The following TBC1D22A variants were observed in gnomAD, a reference collection of about 807,000 sequenced individuals.
The protein encoded by TBC1D22A is TBC1 domain family member 22A.
TBC1D22A carries 38 observed loss-of-function variants against 60.2 expected under a neutral mutation model. The ratio of observed to expected loss-of-function variants is 0.63; its 90% CI spans 0.49 to 0.83. TBC1D22A has a LOEUF of 0.83. Among genes scored for constraint, TBC1D22A ranks in the 40% least tolerant of loss-of-function variants. The pLI, the probability that TBC1D22A is intolerant of heterozygous loss-of-function variation, is 0.00. For synonymous variants in TBC1D22A, 302 were observed against 281.7 expected, an observed-to-expected ratio of 1.07 and a Z score of -0.72; for missense variants, 628 against 701.0, an observed-to-expected ratio of 0.90 and a Z score of 1.18.
intron 7 of TBC1D22A, among the ~76,000 whole-genome samples, chr22:46,896,162 C>G (rs1451405456): frequency 6.6e-6 from 1 of 152,154 alleles, no homozygotes; most frequent in African/African-American, 2.4e-5. Flanking sequence ...CTGTCTTTCC[C>G]CCTTCTGCGA....
chr22:46,994,859 A>C (rs1311498320), intron 9 of TBC1D22A, among the ~76,000 whole-genome samples: 1 of 152,232 alleles, frequency 6.6e-6, no homozygotes, highest in Non-Finnish European at 1.5e-5. Flanking sequence ...GGAGAAATTA[A>C]GTCTTAAAGG....
Position 46,793,771 on chromosome 22 carries a change from G to T in TBC1D22A, c.390G>T (p.Pro130=). The T allele has an allele frequency of 6.2e-7, 1 of 1,603,880 alleles. No individual in the cohort carries two copies. The highest frequency in any genetic ancestry group is 8.5e-7 in the Non-Finnish European group (1 of 1,176,046). The change falls in exon 3 of 13, where the codon CCG becomes CCT. Residue 130 remains proline (P), a synonymous_variant. Transcript: ENST00000337137. The part of the protein sequence containing the change: ...LQQKPRPEAE[P]PSPPSGDLRL... ...AGAAGCCCAGGCCCGAGGCAGAGCCGCCCTCACCCCCCAGCGGCGACCTCC... is the reference window on the plus strand; with the variant it reads ...AGAAGCCCAGGCCCGAGGCAGAGCCTCCCTCACCCCCCAGCGGCGACCTCC...
rs531569157 is a variant in TBC1D22A at position 47,052,399 on chromosome 22, A to G, written c.1329+15201A>G. ...GCGAGCCTGGGGATGCCTGGGAGGG[A>G]CCCTCAAGGTGAGGAGGTGGGAGGC... On this transcript the variant is annotated intron_variant, in intron 11 of 12. Transcript: ENST00000337137. Among the ~76,000 whole-genome samples, 14 of 152,086 alleles carry G rather than the reference A, an allele frequency of 9.2e-5. 1 individual carries two copies. The South Asian group carries it at 2.9e-3, about 32-fold the overall frequency.
At chr22:47,098,661 C>G (rs1451220922) in intron 11 of TBC1D22A, among the ~76,000 whole-genome samples, 1 of 152,236 alleles carries the variant, frequency 6.6e-6, no homozygotes, top group Non-Finnish European at 1.5e-5. Context: ...TGAGGCATCC[C>G]CCCGACTCCA....
At chr22:46,947,721 C>G (rs2072637801) in intron 8 of TBC1D22A, among the ~76,000 whole-genome samples, 1 of 134,474 alleles carries the variant, frequency 7.4e-6, no homozygotes, top group East Asian at 2.2e-4. Context: ...CCTCTTCCTC[C>G]CTCACGCTGT....
chr22:47,150,038 A>G, intron 12 of TBC1D22A, among the ~76,000 whole-genome samples: 1 of 152,112 alleles, frequency 6.6e-6, no homozygotes, highest in Non-Finnish European at 1.5e-5. Context: ...CAGATGGGCC[A>G]GGGGCTGGGA....
chr22:46,937,607 A>G (rs1234750453), intron 8 of TBC1D22A, among the ~76,000 whole-genome samples: 2 of 152,226 alleles, frequency 1.3e-5, no homozygotes, highest in Non-Finnish European at 2.9e-5. Context: ...TTAAAAAAAA[A>G]GTTAACTGTA....
intron 4 of TBC1D22A, among the ~76,000 whole-genome samples, chr22:46,821,127 T>C (rs1363200996): frequency 1.3e-5 from 2 of 151,906 alleles, no homozygotes; most frequent in Middle Eastern, 3.4e-3. Context: ...TCTGTGTGTG[T>C]CTTTGTGTGT....
chr22:47,125,859 C>G (rs529230684), intron 12 of TBC1D22A, among the ~76,000 whole-genome samples: 20 of 152,226 alleles, frequency 1.3e-4, no homozygotes, highest in Non-Finnish European at 2.5e-4. Context: ...CAGCCAACAT[C>G]GGGTGTCCCA....
At chr22:46,943,985 C>G (rs932787098) in intron 8 of TBC1D22A, among the ~76,000 whole-genome samples, 4 of 152,282 alleles carry the variant, frequency 2.6e-5, no homozygotes, top group East Asian at 3.9e-4. Flanking sequence ...GCACTTCTGG[C>G]TATTATGAAC....
intron 8 of TBC1D22A, among the ~76,000 whole-genome samples, chr22:46,916,728 G>A (rs2070392443): frequency 2.0e-5 from 3 of 152,224 alleles, no homozygotes; most frequent in Non-Finnish European, 4.4e-5. Flanking sequence ...GAGGTCAAGC[G>A]ATCTTGCGTG....
At chr22:46,923,776 T>C (rs982206813) in intron 8 of TBC1D22A, among the ~76,000 whole-genome samples, 11 of 152,194 alleles carry the variant, frequency 7.2e-5, no homozygotes, top group African/African-American at 2.7e-4. Flanking sequence ...TTGTTTCATG[T>C]TTTTTTCCCA....
At chr22:47,062,000 A>ATT (rs531142285) in intron 11 of TBC1D22A, among the ~76,000 whole-genome samples, 6 of 141,758 alleles carry the variant, frequency 4.2e-5, no homozygotes, top group Non-Finnish European at 9.1e-5. Context: ...AGGCAGGAGG[A>ATT]TTGCTTGAAC....
chr22:46,848,544 C>A (rs1027499779), intron 4 of TBC1D22A, among the ~76,000 whole-genome samples: 1 of 152,210 alleles, frequency 6.6e-6, no homozygotes, highest in Non-Finnish European at 1.5e-5. Context: ...GTCGACCAAC[C>A]GTTTGCAGCC....
At chr22:46,816,111 C>A (rs576079192) in intron 4 of TBC1D22A, among the ~76,000 whole-genome samples, 3 of 152,126 alleles carry the variant, frequency 2.0e-5, no homozygotes, top group Admixed American at 2.0e-4. Context: ...CTGGCTGCTG[C>A]GAGTGTCCTG....
In TBC1D22A at chr22:46,841,079, A is replaced by T. The variant is rs532161613; in HGVS notation, c.638-37574A>T. ...GTGTGTGTGTGTGTGTGTGTGAGAG[A>T]GAGAGAGAGAGAAAGAGAGAGAGAG... On this transcript the variant is annotated intron_variant, in intron 4 of 12. Transcript: ENST00000337137. Among the ~76,000 whole-genome samples, 670 of 122,138 alleles carry T rather than the reference A, an allele frequency of 5.5e-3. 6 individuals carry two copies. The highest frequency in any genetic ancestry group is 0.018 in the African/African-American group (614 of 33,610). The allele number at this position is 122,138 out of a possible 152,430, so 80.1% of individuals were successfully genotyped here.
At chr22:47,131,601 T>C (rs1156945083) in intron 12 of TBC1D22A, among the ~76,000 whole-genome samples, 1 of 152,228 alleles carries the variant, frequency 6.6e-6, no homozygotes, top group Non-Finnish European at 1.5e-5. Context: ...GTAGATGGCC[T>C]CTGCCCATGC....
intron 4 of TBC1D22A, among the ~76,000 whole-genome samples, chr22:46,821,056 T>A: frequency 7.8e-6 from 1 of 128,666 alleles, no homozygotes; most frequent in Non-Finnish European, 1.9e-5. Flanking sequence ...ACCCCTGCTT[T>A]TTTTTTTTTT....
chr22:47,025,898 G>A (rs1486012895), intron 10 of TBC1D22A, among the ~76,000 whole-genome samples: 2 of 152,212 alleles, frequency 1.3e-5, no homozygotes, highest in Non-Finnish European at 2.9e-5. Context: ...GAAACGTATA[G>A]TGCTGAGTGT....
Sources: allele counts gnomAD v4.1 joint callset (sites outside exome capture counted in the v4.1 genomes callset), GRCh38; gene constraint gnomAD v4.1.1; transcripts MANE v1.5; gene names NCBI Gene and HGNC (gene_info 2026-07-23, HGNC 2026-07-21).